PRDM2: variants seen among roughly 807,000 people sequenced by gnomAD.
PRDM2 encodes the protein PR/SET domain 2, also known as PR domain zinc finger protein 2.
Under a neutral mutation model 130.0 loss-of-function variants are expected in PRDM2, and 30 were observed. That is an observed-to-expected ratio of 0.23 (90% CI 0.17 to 0.31). The LOEUF (loss-of-function observed/expected upper bound fraction) is 0.31, where lower values mean the gene tolerates loss of function less well. Among genes scored for constraint, PRDM2 ranks in the 10% least tolerant of loss-of-function variants. The pLI is 1.00. For missense variants in PRDM2, 2,011 were observed against 2,108.4 expected, an observed-to-expected ratio of 0.95 and a Z score of 0.90; for synonymous variants, 871 against 782.4, an observed-to-expected ratio of 1.11 and a Z score of -1.89.
At chr1:13,765,171 A>T (rs1303526082) in intron 6 of PRDM2, among the ~76,000 whole-genome samples, 3 of 152,202 alleles carry the variant, frequency 2.0e-5, no homozygotes, top group African/African-American at 7.2e-5. Context: ...GTTGAGGCAC[A>T]CTGGTGCCCC....
intron 6 of PRDM2, among the ~76,000 whole-genome samples, chr1:13,760,371 G>A (rs1208330758): frequency 1.3e-5 from 2 of 151,878 alleles, no homozygotes; most frequent in East Asian, 3.9e-4. Context: ...TTTAGTGGGT[G>A]GGAATATACT....
intron 6 of PRDM2, among the ~76,000 whole-genome samples, chr1:13,762,412 CAGTT>C (rs1290134839): frequency 6.6e-6 from 1 of 152,204 alleles, no homozygotes; most frequent in East Asian, 1.9e-4. Flanking sequence ...TGTCTCGCCT[CAGTT>C]AGCGTCAGCT....
intron 2 of PRDM2, among the ~76,000 whole-genome samples, chr1:13,718,389 T>G (rs1004228351): frequency 6.6e-6 from 1 of 152,152 alleles, no homozygotes; most frequent in Non-Finnish European, 1.5e-5. Context: ...CATGGGCATA[T>G]CATATTGTTT....
intron 6 of PRDM2, among the ~76,000 whole-genome samples, chr1:13,762,597 C>G (rs1333223596): frequency 6.6e-6 from 1 of 152,150 alleles, no homozygotes; most frequent in African/African-American, 2.4e-5. Flanking sequence ...TCAGTTTGTT[C>G]CCTGTGGTCA....
chr1:13,815,402 G>A (rs535663963), intron 8 of PRDM2, among the ~76,000 whole-genome samples: 4 of 152,298 alleles, frequency 2.6e-5, no homozygotes, highest in South Asian at 2.1e-4. Context: ...ATGAGCCACC[G>A]CACCTGGCCG....
intron 8 of PRDM2, among the ~76,000 whole-genome samples, chr1:13,794,800 A>G (rs927458465): frequency 3.3e-5 from 5 of 152,242 alleles, no homozygotes; most frequent in Non-Finnish European, 7.3e-5. Flanking sequence ...ATTTCATGAC[A>G]GCGTGAGTTG....
At chr1:13,732,674 G>A (rs1643146728) in intron 3 of PRDM2, 105 bp from the exon 4 acceptor site, 1 of 730,596 alleles carries the variant, frequency 1.4e-6, no homozygotes, top group Admixed American at 3.5e-5. Flanking sequence ...GCTTGATTTA[G>A]GCAGTCTAGC....
chr1:13,735,796 T>G (rs1036309104), intron 4 of PRDM2, among the ~76,000 whole-genome samples: 10 of 152,142 alleles, frequency 6.6e-5, no homozygotes, highest in African/African-American at 2.4e-4. Flanking sequence ...CTTTTAAAAT[T>G]TAAAATTAAT....
chr1:13,756,881 T>C (rs1643968694), intron 6 of PRDM2, among the ~76,000 whole-genome samples: 1 of 152,238 alleles, frequency 6.6e-6, no homozygotes, highest in East Asian at 1.9e-4. Context: ...ATATCCTCAT[T>C]TGTAGAAGAG....
At chr1:13,770,170 C>T (rs1050898044) in intron 6 of PRDM2, among the ~76,000 whole-genome samples, 2 of 152,050 alleles carry the variant, frequency 1.3e-5, no homozygotes, top group Non-Finnish European at 2.9e-5. Context: ...GATTGGGTTT[C>T]CAGGGTCATG....
chr1:13,725,615 A>C (rs1429825685), intron 2 of PRDM2, among the ~76,000 whole-genome samples: 1 of 152,270 alleles, frequency 6.6e-6, no homozygotes, highest in Admixed American at 6.5e-5. Flanking sequence ...TAGTTAGACT[A>C]CAGGCCTTAT....
rs546781060 is a variant in PRDM2 at position 13,797,067 on chromosome 1, AAAT to A, written c.5036+14240_5036+14242del. Among the ~76,000 whole-genome samples the A allele has an allele frequency of 2.5e-3, 377 of 152,338 alleles. 2 individuals carry two copies. The highest frequency in any genetic ancestry group is 8.7e-3 in the African/African-American group (361 of 41,574). On this transcript the variant is annotated intron_variant, in intron 8 of 9. Transcript: ENST00000311066. ...ATGTCCTTTAATTTATGTTTAGAAT[AAAT>A]AATCTATTTGGTGCCAAGTGGTTTA...
chr1:13,770,019 AG>A (rs1644322205), intron 6 of PRDM2, among the ~76,000 whole-genome samples: 1 of 152,152 alleles, frequency 6.6e-6, no homozygotes, highest in Admixed American at 6.5e-5. Context: ...CCCACAGCCA[AG>A]GATGATCTGG....
At position 13,756,224 on chromosome 1, in the gene PRDM2, C is replaced by T. The variant is rs1410981171; in HGVS notation, c.511+6737C>T. ...CTTGTAGTGAGCCGAGATTGCGCCA[C>T]AGCACTCCAGCCTGGGCAACAGAGC... On this transcript the variant is annotated intron_variant, in intron 6 of 9. Transcript: ENST00000311066. Among the ~76,000 whole-genome samples, 6 of 145,430 alleles carry T rather than the reference C, an allele frequency of 4.1e-5. 1 individual carries two copies. The South Asian group carries it at 1.1e-3, about 26-fold the overall frequency.
chr1:13,721,475 A>G (rs1340366447), intron 2 of PRDM2, among the ~76,000 whole-genome samples: 1 of 152,092 alleles, frequency 6.6e-6, no homozygotes, highest in Non-Finnish European at 1.5e-5. Flanking sequence ...CTTCTAAGTA[A>G]GGTGGTTGCT....
At chr1:13,734,081 G>T (rs1643193694) in intron 4 of PRDM2, among the ~76,000 whole-genome samples, 1 of 152,144 alleles carries the variant, frequency 6.6e-6, no homozygotes, top group African/African-American at 2.4e-5. Flanking sequence ...TGTTTCTTAT[G>T]AATTTGTTAT....
chr1:13,788,010 C>T, intron 8 of PRDM2: 1 of 983,622 alleles, frequency 1.0e-6, no homozygotes, highest in Non-Finnish European at 1.2e-6. Flanking sequence ...GCTGCAAACA[C>T]TTAATAACTA....
intron 2 of PRDM2, among the ~76,000 whole-genome samples, chr1:13,720,756 T>C (rs80065403): frequency 0.019 from 2,879 of 152,310 alleles, 82 homozygotes; most frequent in African/African-American, 0.066. Flanking sequence ...ATTTAACAGA[T>C]AAGAAAGTGA....
intron 5 of PRDM2, among the ~76,000 whole-genome samples, chr1:13,747,811 C>A (rs1474852401): frequency 6.7e-6 from 1 of 149,582 alleles, no homozygotes; most frequent in African/African-American, 2.4e-5. Context: ...CAAAAAGGAT[C>A]ACTCTCTTGG....
Sources: gnomAD v4.1 joint callset for allele counts (sites outside exome capture counted in the v4.1 genomes callset) on GRCh38, gnomAD v4.1.1 for gene constraint, MANE v1.5 for transcripts, NCBI Gene and HGNC (gene_info 2026-07-23, HGNC 2026-07-21) for gene names.